NRXN1: variants seen among roughly 807,000 people sequenced by gnomAD.
The protein encoded by NRXN1 is neurexin 1, also known as neurexin-1.
A neutral mutation model predicts 150.9 loss-of-function variants in NRXN1; 39 were observed. That is an observed-to-expected ratio of 0.26 (90% CI 0.20 to 0.34). NRXN1 has a LOEUF of 0.34. Among genes scored for constraint, NRXN1 ranks in the 10% least tolerant of loss-of-function variants. The pLI, the probability that NRXN1 is intolerant of heterozygous loss-of-function variation, is 1.00. For synonymous variants in NRXN1, 924 were observed against 757.0 expected, an observed-to-expected ratio of 1.22 and a Z score of -3.62; for missense variants, 1,815 against 1,949.9, an observed-to-expected ratio of 0.93 and a Z score of 1.30.
At chr2:51,007,139 C>T (rs566557716) in intron 2 of NRXN1, among the ~76,000 whole-genome samples, 16 of 152,028 alleles carry the variant, frequency 1.1e-4, no homozygotes, top group Admixed American at 3.3e-4. Flanking sequence ...TATAACTCTT[C>T]GTCTCTTTTT....
chr2:50,087,317 T>G (rs12473119), intron 19 of NRXN1, among the ~76,000 whole-genome samples: 40,504 of 151,982 alleles, frequency 0.27, 5,785 homozygotes, highest in Admixed American at 0.39. Context: ...ATTTAATATG[T>G]TAACTTGAGT....
chr2:50,351,616 CT>C (rs201959529), intron 17 of NRXN1, among the ~76,000 whole-genome samples: 1 of 151,090 alleles, frequency 6.6e-6, no homozygotes, highest in African/African-American at 2.4e-5. Context: ...GCTTTTCACC[CT>C]TTATTATGAG....
chr2:49,995,780 CAAAAAAAAAA>C (rs1163315598), intron 21 of NRXN1, among the ~76,000 whole-genome samples: 3 of 36,374 alleles, frequency 8.2e-5, no homozygotes, highest in Non-Finnish European at 1.5e-4. Flanking sequence ...GACTCCGTCT[CAAAAAAAAAA>C]AAAAAAAAAA....
chr2:50,008,502 T>C (rs1685129835), intron 21 of NRXN1, among the ~76,000 whole-genome samples: 1 of 148,346 alleles, frequency 6.7e-6, no homozygotes, highest in South Asian at 2.2e-4. Flanking sequence ...AGTCTTGCTC[T>C]GTCACCCAGG....
chr2:50,111,195 T>A (rs558610498), intron 18 of NRXN1, among the ~76,000 whole-genome samples: 1 of 152,124 alleles, frequency 6.6e-6, no homozygotes, highest in Non-Finnish European at 1.5e-5. Flanking sequence ...ATTCTTAGAA[T>A]TGGGAAGTGA....
intron 5 of NRXN1, chr2:50,913,052 C>T (rs529465591): frequency 6.6e-6 from 1 of 151,834 alleles, no homozygotes; most frequent in African/African-American, 2.4e-5. Flanking sequence ...AATCCAACCA[C>T]ACTGCTGAGA....
chr2:50,286,646 A>C lies in NRXN1; in HGVS notation c.3365-49676T>G, dbSNP rs181391471. ...GGTAGAATGATAAACCAAAACAAAC[A>C]GCCAATTCATCAAATCAACAAAACT... On this transcript the variant is annotated intron_variant, in intron 17 of 22. Coordinates refer to ENST00000401669, the MANE Select transcript of NRXN1 (RefSeq NM_001330078.2). Among the ~76,000 whole-genome samples, 5 of 152,282 alleles carry C rather than the reference A, an allele frequency of 3.3e-5. No individual in the cohort carries two copies. In the East Asian group the frequency reaches 9.6e-4, roughly 29 times the overall value.
intron 17 of NRXN1, among the ~76,000 whole-genome samples, chr2:50,429,669 A>G (rs1268769586): frequency 6.6e-6 from 1 of 152,188 alleles, no homozygotes; most frequent in Non-Finnish European, 1.5e-5. Flanking sequence ...TTTTTTACAA[A>G]AAAATCCTAC....
intron 8 of NRXN1, among the ~76,000 whole-genome samples, chr2:50,598,568 G>A (rs547476682): frequency 2.0e-5 from 3 of 149,286 alleles, no homozygotes; most frequent in Non-Finnish European, 4.4e-5. Flanking sequence ...ATATATGTGT[G>A]TGTGTGTGTG....
chr2:50,687,630 T>A (rs1047763934), intron 5 of NRXN1, among the ~76,000 whole-genome samples: 2 of 152,188 alleles, frequency 1.3e-5, no homozygotes, highest in African/African-American at 4.8e-5. Context: ...GAGTGGGCAC[T>A]AAGAAATAAA....
intron 18 of NRXN1, among the ~76,000 whole-genome samples, chr2:50,188,949 G>C (rs933892466): frequency 1.3e-5 from 2 of 152,200 alleles, no homozygotes; most frequent in African/African-American, 4.8e-5. Context: ...CATTGTGGAA[G>C]ACAGTGTGGC....
intron 2 of NRXN1, among the ~76,000 whole-genome samples, chr2:51,024,964 T>C (rs2105307930): frequency 6.6e-6 from 1 of 152,280 alleles, no homozygotes; most frequent in African/African-American, 2.4e-5. Context: ...AAATCATCTA[T>C]CCCTAGCCAT....
intron 8 of NRXN1, among the ~76,000 whole-genome samples, chr2:50,567,039 C>CT (rs1438812338): frequency 4.0e-5 from 6 of 151,702 alleles, no homozygotes; most frequent in Admixed American, 3.9e-4. Flanking sequence ...ATCCTACTCT[C>CT]TTTCTCTCTT....
At chr2:50,626,354 A>G (rs61160057) in intron 5 of NRXN1, among the ~76,000 whole-genome samples, 1 of 151,930 alleles carries the variant, frequency 6.6e-6, no homozygotes. Context: ...GAGAAAGAAG[A>G]TGAAGTAAGT....
chr2:50,465,461 A>C lies in NRXN1; in HGVS notation c.3345T>G (p.Ser1115Arg). 6.2e-7 allele frequency: 1 copy of C among 1,610,170 alleles called. No individual in the cohort carries two copies. Reference sequence around the variant, plus strand: ...ACTTACGGTCATTGCAGAGTGGTCCACTGAAGGAAGTCATACTACAGTCAC... The same window carrying C: ...ACTTACGGTCATTGCAGAGTGGTCCCCTGAAGGAAGTCATACTACAGTCAC... Reference protein sequence around the residue: ...FSCDCSMTSFSGPLCNDPGTT... With the variant: ...FSCDCSMTSFRGPLCNDPGTT... Residue 1115 changes from serine (S) to arginine (R), a missense_variant, in exon 17 of 23, where the codon AGT becomes AGG. Ser to Arg is a moderately radical substitution (Grantham distance 110). Coordinates refer to ENST00000401669, the MANE Select transcript of NRXN1 (RefSeq NM_001330078.2).
intron 5 of NRXN1, among the ~76,000 whole-genome samples, chr2:50,629,876 G>A (rs1422882177): frequency 6.6e-6 from 1 of 151,404 alleles, no homozygotes; most frequent in Non-Finnish European, 1.5e-5. Flanking sequence ...TATATACGCT[G>A]CTTGGTAGTA....
At chr2:50,578,503 C>T (rs1345120754) in intron 8 of NRXN1, among the ~76,000 whole-genome samples, 1 of 152,028 alleles carries the variant, frequency 6.6e-6, no homozygotes. Context: ...TGAATGGTAA[C>T]GTCTTTCAAA....
intron 17 of NRXN1, among the ~76,000 whole-genome samples, chr2:50,251,003 CATATGTGTAATATTACATATTGT>C (rs1436571242): frequency 1.0e-3 from 107 of 105,324 alleles, no homozygotes; most frequent in Middle Eastern, 5.6e-3. Context: ...TTACACATTG[CATATGTGTAATATTACATATTGT>C]ATATGTAATA....
intron 5 of NRXN1, among the ~76,000 whole-genome samples, chr2:50,725,951 T>C (rs1041526800): frequency 6.6e-6 from 1 of 152,220 alleles, no homozygotes; most frequent in African/African-American, 2.4e-5. Context: ...GACTATAAAA[T>C]GAAATTTGTT....
Sources: gnomAD v4.1 joint callset for allele counts (sites outside exome capture counted in the v4.1 genomes callset) on GRCh38, gnomAD v4.1.1 for gene constraint, MANE v1.5 for transcripts, NCBI Gene and HGNC (gene_info 2026-07-23, HGNC 2026-07-21) for gene names.